Variants in COL12A1 observed in about 807,000 individuals in gnomAD.
COL12A1 encodes the protein collagen type XII alpha 1 chain.
COL12A1 carries 114 observed loss-of-function variants against 349.7 expected under a neutral mutation model. That is an observed-to-expected ratio of 0.33 (90% CI 0.28 to 0.38). The LOEUF (loss-of-function observed/expected upper bound fraction) is 0.38, where lower values mean the gene tolerates loss of function less well. Among genes scored for constraint, COL12A1 ranks in the 10% least tolerant of loss-of-function variants. COL12A1 has a pLI of 1.00. For synonymous variants in COL12A1, 1,369 were observed against 1,329.0 expected (o/e 1.03, Z -0.66); for missense variants, 3,284 against 3,756.9 (o/e 0.87, Z 3.29).
intron 51 of COL12A1, among the ~76,000 whole-genome samples, chr6:75,110,971 T>A (rs1403496739): frequency 6.6e-6 from 1 of 151,968 alleles, no homozygotes; most frequent in Non-Finnish European, 1.5e-5. Flanking sequence ...ATTTTATACT[T>A]GCAATTTGCA....
intron 7 of COL12A1, among the ~76,000 whole-genome samples, chr6:75,188,756 A>C (rs1178659127): frequency 2.0e-5 from 3 of 152,172 alleles, no homozygotes; most frequent in African/African-American, 7.2e-5. Context: ...AGAGGAAAAA[A>C]GTGGTTGGTT....
chr6:75,142,153 C>CACCTCT lies in COL12A1; in HGVS notation c.4830_4835dup (p.Glu1611_Val1612dup). 1 of 1,614,068 alleles carries CACCTCT rather than the reference C, an allele frequency of 6.2e-7. No individual in the cohort carries two copies. Among genetic ancestry groups the CACCTCT allele is most frequent in the Admixed American group, 1.7e-5 (1 of 60,018 alleles). Reference sequence around the variant, plus strand: ...GGGAAGTGCTGGTCTCTGATCTGTCCACCTCTACCTATAACAGTAACAGAG... The same window carrying CACCTCT: ...GGGAAGTGCTGGTCTCTGATCTGTCCACCTCTACCTCTACCTATAACAGTAACAGAG... On this transcript the variant is annotated inframe_insertion, in exon 27 of 66. Coordinates refer to ENST00000322507, the MANE Select transcript of COL12A1 (RefSeq NM_004370.6).
intron 2 of COL12A1, among the ~76,000 whole-genome samples, chr6:75,196,625 C>G (rs1248948837): frequency 6.6e-6 from 1 of 152,134 alleles, no homozygotes; most frequent in Non-Finnish European, 1.5e-5. Context: ...TGAGGTTTAG[C>G]TGTACTCATC....
chr6:75,147,604 G>A (rs1263120955), intron 23 of COL12A1, 71 bp downstream of exon 23: 2 of 1,391,436 alleles, frequency 1.4e-6, no homozygotes, highest in African/African-American at 2.9e-5. Context: ...TTGGAAGGTA[G>A]GCAAAAATGG....
chr6:75,165,711 A>G lies in COL12A1; in HGVS notation c.2779T>C (p.Ser927Pro). Reference protein sequence around the residue: ...TDTSIGAYWTSAPGMVRGYRV... With the variant: ...TDTSIGAYWTPAPGMVRGYRV... ...TAACCGCGAACCATTCCTGGAGCAG[A>G]TGTCCAATAAGCCCCAATTGATGTG... Residue 927 changes from serine to proline, a missense_variant, in exon 14 of 66, where the codon TCT becomes CCT. Physicochemically the swap from Ser to Pro is moderately conservative, Grantham distance 74. This residue lies in a region of COL12A1 where 2,601 missense variants were observed against 2,824.8 expected (regional missense o/e 0.92). Coordinates refer to ENST00000322507, the MANE Select transcript of COL12A1 (RefSeq NM_004370.6). 2.5e-6 allele frequency: 4 copies of G among 1,614,034 alleles called. No homozygotes were observed. The highest frequency in any genetic ancestry group is 3.4e-6 in the Non-Finnish European group (4 of 1,179,914).
In COL12A1 at chr6:75,123,981, C is replaced by G. The variant is rs1376444245; in HGVS notation, c.6838G>C (p.Glu2280Gln). The G allele has an allele frequency of 6.2e-7, 1 of 1,613,346 alleles. No individual in the cohort carries two copies. Among genetic ancestry groups the G allele is most frequent in the African/African-American group, 1.3e-5 (1 of 74,894 alleles). Residue 2280 changes from glutamate (E) to glutamine (Q), a missense_variant, in exon 42 of 66, where the codon GAG becomes CAG. Glu to Gln is a conservative substitution (Grantham distance 29). Around this residue, in one of 2 missense-constraint regions of COL12A1, gnomAD observed 2,601 missense variants for 2,824.8 expected, o/e 0.92. Transcript: ENST00000322507. The part of the protein sequence containing the change: ...VTVFVQTPNL[E>Q]GPGVSVKEHT... The stretch of plus-strand genomic sequence containing the variant: ...TCTTTAACAGAGACTCCTGGTCCCT[C>G]GAGATTTGGTGTCTGCACAAAAACA...
At chr6:75,123,891 C>A in intron 42 of COL12A1, 57 bp downstream of exon 42, 2 of 1,542,548 alleles carry the variant, frequency 1.3e-6, no homozygotes, top group South Asian at 2.5e-5. Context: ...TCTTCCTTAC[C>A]TAGAGCATTC....
intron 14 of COL12A1, among the ~76,000 whole-genome samples, chr6:75,162,529 A>G (rs1032402830): frequency 6.6e-6 from 1 of 152,248 alleles, no homozygotes; most frequent in African/African-American, 2.4e-5. Flanking sequence ...GTAAAGACTT[A>G]AATGTAAGGC....
Position 75,126,450 on chromosome 6 carries a change from T to C in COL12A1, c.6361A>G (p.Asn2121Asp). ...TACCATTCGTCAGAGATGTGTATGT[T>C]CTGAGGAGGAAGGAGTCCCACTGAA... ...GRTVGLLPPQ[N>D]IHISDEWYTR... Residue 2121 changes from asparagine (N) to aspartate (D), a missense_variant, in exon 39 of 66, where the codon AAC becomes GAC. By Grantham distance (23) the Asn-to-Asp change is conservative. Around this residue, in one of 2 missense-constraint regions of COL12A1, gnomAD observed 2,601 missense variants for 2,824.8 expected, o/e 0.92. Coordinates refer to ENST00000322507, the MANE Select transcript of COL12A1 (RefSeq NM_004370.6). 1 of 1,610,850 alleles carries C rather than the reference T, an allele frequency of 6.2e-7. No individual in the cohort carries two copies. Among genetic ancestry groups the C allele is most frequent in the Non-Finnish European group, 8.5e-7 (1 of 1,177,506 alleles).
chr6:75,143,299 G>C lies in COL12A1; in HGVS notation c.4780C>G (p.Arg1594Gly). Residue 1594 changes from arginine (R) to glycine (G), a missense_variant, in exon 26 of 66, where the codon CGT (arginine) becomes GGT (glycine). Physicochemically the swap from Arg to Gly is moderately radical, Grantham distance 125 (BLOSUM62 -2). Transcript: ENST00000322507. ...VFWEPVPGKV[R>G]KYIVRYKTPE... is the part of the protein sequence containing the mutation. ...GTTTTGTATCGAACAATATATTTAC[G>C]CACTTTTCCAGGCACAGGTTCCCAA... 1 of 1,613,568 alleles carries C rather than the reference G, an allele frequency of 6.2e-7. No individual in the cohort carries two copies. The highest frequency in any genetic ancestry group is 2.2e-5 in the East Asian group (1 of 44,828).
chr6:75,133,770 C>T, intron 33 of COL12A1, 88 bp downstream of exon 33: 2 of 1,483,888 alleles, frequency 1.3e-6, no homozygotes, highest in South Asian at 1.2e-5. Flanking sequence ...AGCTCTAAAG[C>T]AAACTGGTTA....
chr6:75,142,083 C>T lies in COL12A1; in HGVS notation c.4906G>A (p.Ala1636Thr). The T allele has an allele frequency of 1.2e-6, 2 of 1,614,116 alleles. No individual in the cohort carries two copies. The highest frequency in any genetic ancestry group is 2.2e-5 in the South Asian group (2 of 91,084). The change falls in exon 27 of 66, where the codon GCA becomes ACA. Residue 1636 changes from alanine to threonine, a missense_variant. By Grantham distance (58) the Ala-to-Thr change is moderately conservative. Coordinates refer to ENST00000322507, the MANE Select transcript of COL12A1 (RefSeq NM_004370.6). ...GGAGACTCCCCCTCGTCATGTACTG[C>T]AGAAACGCTGACTGTGTACAAGGTC... Reference protein sequence around the residue: ...SQTLYTVSVSAVHDEGESPPV... With the variant: ...SQTLYTVSVSTVHDEGESPPV...
chr6:75,156,880 G>C (rs1463269626), intron 14 of COL12A1, among the ~76,000 whole-genome samples: 1 of 152,092 alleles, frequency 6.6e-6, no homozygotes, highest in East Asian at 1.9e-4. Flanking sequence ...ATAATGCTGT[G>C]GAGAATACTA....
chr6:75,119,509 C>T, intron 44 of COL12A1, 36 bp from the exon 45 acceptor site: 1 of 1,569,788 alleles, frequency 6.4e-7, no homozygotes, highest in Non-Finnish European at 8.6e-7. Context: ...GAGCATAAGT[C>T]ATCTCATTTT....
intron 59 of COL12A1, among the ~76,000 whole-genome samples, chr6:75,095,861 G>C (rs1344768771): frequency 6.6e-6 from 1 of 152,022 alleles, no homozygotes; most frequent in African/African-American, 2.4e-5. Context: ...TACAAGACCA[G>C]ACAATCTTTC....
intron 1 of COL12A1, among the ~76,000 whole-genome samples, chr6:75,204,853 C>T (rs1770701863): frequency 1.3e-5 from 2 of 152,128 alleles, no homozygotes; most frequent in South Asian, 2.1e-4. Context: ...TTGGCATTAG[C>T]CAAAGGAGAG....
At chr6:75,116,113 T>C in intron 47 of COL12A1, 56 bp from the exon 48 acceptor site, 1 of 1,531,156 alleles carries the variant, frequency 6.5e-7, no homozygotes, top group Non-Finnish European at 9.0e-7. Flanking sequence ...ACAAATTATA[T>C]ATGCACAGAA....
chr6:75,131,321 T>C (rs972635918), intron 35 of COL12A1, among the ~76,000 whole-genome samples: 1 of 152,206 alleles, frequency 6.6e-6, no homozygotes, highest in African/African-American at 2.4e-5. Context: ...GAACTCTTAT[T>C]GTGGTGGGGG....
chr6:75,130,335 G>C, intron 36 of COL12A1, 102 bp from the exon 37 acceptor site: 1 of 1,117,450 alleles, frequency 8.9e-7, no homozygotes. Flanking sequence ...CATTCACTCA[G>C]ATGTTTCCTC....
Sources: allele counts gnomAD v4.1 joint callset (sites outside exome capture counted in the v4.1 genomes callset), GRCh38; gene constraint gnomAD v4.1.1; regional missense constraint gnomAD v4.1.1; transcripts MANE v1.5; gene names NCBI Gene and HGNC (gene_info 2026-07-23, HGNC 2026-07-21).